FLYWCH1: variants seen among roughly 807,000 people sequenced by gnomAD.
The protein encoded by FLYWCH1 is FLYWCH-type zinc finger 1, also known as FLYWCH-type zinc finger-containing protein 1.
Under a neutral mutation model 66.4 loss-of-function variants are expected in FLYWCH1, and 75 were observed. The ratio of observed to expected loss-of-function variants is 1.13; its 90% CI spans 0.94 to 1.37. FLYWCH1 has a LOEUF of 1.37. Among genes scored for constraint, FLYWCH1 ranks in the 40% most tolerant of loss-of-function variants. The pLI, the probability that FLYWCH1 is intolerant of heterozygous loss-of-function variation, is 0.00. For missense variants in FLYWCH1, 1,334 were observed against 1,001.8 expected (o/e 1.33, Z -4.48); for synonymous variants, 595 against 429.9 (o/e 1.38, Z -4.75).
Position 2,933,507 on chromosome 16 carries a change from G to C in FLYWCH1, c.1174G>C (p.Ala392Pro). ...TLTRPRPRKR[A>P]KVEDQELPTQ... is the part of the protein sequence containing the mutation. ...CACCAGGCCTCGGCCCAGAAAGCGA[G>C]CAAAGGTCGAAGACCAGGAGCTGCC... Residue 392 changes from alanine to proline, a missense_variant, in exon 5 of 10, where the codon GCA becomes CCA. Ala to Pro is a conservative substitution (Grantham distance 27). Coordinates refer to ENST00000253928, the MANE Select transcript of FLYWCH1 (RefSeq NM_001308068.2). 6.2e-7 allele frequency: 1 copy of C among 1,611,998 alleles called. No homozygotes were observed. The highest frequency in any genetic ancestry group is 8.5e-7 in the Non-Finnish European group (1 of 1,179,304).
chr16:2,919,009 A>G (rs2070272960), intron 2 of FLYWCH1, among the ~76,000 whole-genome samples: 1 of 151,858 alleles, frequency 6.6e-6, no homozygotes, highest in East Asian at 1.9e-4. Flanking sequence ...GTGCAGTGGC[A>G]TGATCTCGGC....
At chr16:2,925,213 G>C (rs1209949084) in intron 2 of FLYWCH1, among the ~76,000 whole-genome samples, 1 of 152,224 alleles carries the variant, frequency 6.6e-6, no homozygotes, top group Non-Finnish European at 1.5e-5. Flanking sequence ...AATCACGGCA[G>C]TTCTCAGGGA....
In FLYWCH1 at chr16:2,930,493, A is replaced by G; in HGVS notation, c.409A>G (p.Lys137Glu). ...GGAGTCCTTCCTGTACAAGCAGGAG[A>G]AGGCAGTGGGGGACAAGGTGTACTG... is the stretch of plus-strand genomic sequence containing the variant. ...VLESFLYKQE[K>E]AVGDKVYWKC... Residue 137 changes from lysine (K) to glutamate (E), a missense_variant, in exon 4 of 10, where the codon AAG (lysine) becomes GAG (glutamate). Lys to Glu is a moderately conservative substitution (Grantham distance 56, BLOSUM62 1). Coordinates refer to ENST00000253928, the MANE Select transcript of FLYWCH1 (RefSeq NM_001308068.2). 6.5e-7 allele frequency: 1 copy of G among 1,530,910 alleles called. No individual in the cohort carries two copies. The highest frequency in any genetic ancestry group is 1.2e-5 in the South Asian group (1 of 80,258). The allele number at this position is 1,530,910 out of a possible 1,614,324, so 94.8% of individuals were successfully genotyped here.
intron 2 of FLYWCH1, chr16:2,915,413 A>G (rs2070136146): frequency 6.6e-6 from 1 of 152,150 alleles, no homozygotes. Flanking sequence ...TTTAGTAGAG[A>G]CAGGGTTTCA....
intron 9 of FLYWCH1, among the ~76,000 whole-genome samples, chr16:2,945,485 CAAAAAAA>C (rs60942194): frequency 1.1e-5 from 1 of 87,920 alleles, no homozygotes; most frequent in South Asian, 4.2e-4. Flanking sequence ...GACTCCATCT[CAAAAAAA>C]AAAAAAAAAA....
At position 2,938,358 on chromosome 16, in the gene FLYWCH1, T is replaced by G. The variant is rs1376634955; in HGVS notation, c.1952T>G (p.Met651Arg). ...GCCATAACCCAGGGCCACCGCATCA[T>G]GGTCATGCGCAGCCACTGCCATCAG... Reference protein sequence around the residue: ...SRAITQGHRIMVMRSHCHQPD... With the variant: ...SRAITQGHRIRVMRSHCHQPD... Residue 651 changes from methionine (M) to arginine (R), a missense_variant, in exon 8 of 10, where the codon ATG (methionine) becomes AGG (arginine). Coordinates refer to ENST00000253928, the MANE Select transcript of FLYWCH1 (RefSeq NM_001308068.2). The G allele has an allele frequency of 6.3e-7, 1 of 1,596,936 alleles. No homozygotes were observed. Among genetic ancestry groups the G allele is most frequent in the Admixed American group, 1.7e-5 (1 of 58,694 alleles).
At chr16:2,922,880 G>A in intron 2 of FLYWCH1, 22 of 524,308 alleles carry the variant, frequency 4.2e-5, no homozygotes, top group South Asian at 3.0e-4. Context: ...AGACTCAGTG[G>A]TCGGTGGAAA....
rs1310867311 is a variant in FLYWCH1, at chr16:2,938,427, TC to T, written c.2025del (p.Thr676ProfsTer127). 2.0e-6 allele frequency: 3 copies of T among 1,531,406 alleles called. No individual in the cohort carries two copies. Among genetic ancestry groups the T allele is most frequent in the Non-Finnish European group, 1.8e-6 (2 of 1,139,866 alleles). The allele number at this position is 1,531,406 out of a possible 1,614,324, so 94.9% of individuals were successfully genotyped here. ...GAGGCCTTGAGGCAACGGGAGCGGC[TC>T]CCCACCACGGCCCAGCAGGAGGACC... The part of the protein sequence containing the change: ...GLEALRQRER[L>X]PTTAQQEDPE... On this transcript the variant is annotated frameshift_variant, in exon 8 of 10. Coordinates refer to ENST00000253928, the MANE Select transcript of FLYWCH1 (RefSeq NM_001308068.2). LOFTEE classifies it high-confidence loss of function.
chr16:2,934,647 A>C (rs141697524), intron 6 of FLYWCH1: 1 of 456,802 alleles, frequency 2.2e-6, no homozygotes, highest in Non-Finnish European at 4.4e-6. Context: ...GCTCTTCCGG[A>C]TCCTGCAGCT....
intron 4 of FLYWCH1, among the ~76,000 whole-genome samples, chr16:2,932,709 TAAAC>T (rs1199817496): frequency 6.6e-6 from 1 of 152,072 alleles, no homozygotes; most frequent in Non-Finnish European, 1.5e-5. Flanking sequence ...GTAGATTTGT[TAAAC>T]AAAACCTAAA....
intron 2 of FLYWCH1, among the ~76,000 whole-genome samples, chr16:2,924,278 C>G (rs1252145515): frequency 6.6e-6 from 1 of 151,650 alleles, no homozygotes; most frequent in Non-Finnish European, 1.5e-5. Context: ...TTGCAGTGAG[C>G]CGAGATCCGA....
In FLYWCH1 at chr16:2,930,650, A is replaced by C. The variant is rs761512966; in HGVS notation, c.566A>C (p.Lys189Thr). 9 of 1,546,980 alleles carry C rather than the reference A, an allele frequency of 5.8e-6. No homozygotes were observed. Among genetic ancestry groups the C allele is most frequent in the Non-Finnish European group, 7.0e-6 (8 of 1,147,210 alleles). The change falls in exon 4 of 10, where the codon AAA becomes ACA. Residue 189 changes from lysine to threonine, a missense_variant. Lys to Thr is a moderately conservative substitution (Grantham distance 78). Coordinates refer to ENST00000253928, the MANE Select transcript of FLYWCH1 (RefSeq NM_001308068.2). ...QGLEARRQRE[K>T]LPSLALPEGL... is the part of the protein sequence containing the mutation. ...CTGGAGGCCCGGCGCCAGAGGGAGA[A>C]ACTGCCCAGCCTGGCCCTGCCAGAG...
intron 2 of FLYWCH1, among the ~76,000 whole-genome samples, chr16:2,925,628 C>G (rs1374807022): frequency 6.6e-6 from 1 of 151,704 alleles, no homozygotes; most frequent in Non-Finnish European, 1.5e-5. Context: ...CCTGGAGCCG[C>G]TCTGCTCGAG....
At chr16:2,934,858 C>T (rs193231692) in intron 6 of FLYWCH1, 1 of 291,804 alleles carries the variant, frequency 3.4e-6, no homozygotes, top group East Asian at 1.1e-4. Flanking sequence ...AATGTGCCTC[C>T]ACTACTATTA....
chr16:2,929,871 G>A lies in FLYWCH1; in HGVS notation c.186G>A (p.Val62=), dbSNP rs766601918. ...GGGTGGGATCCAAGCCCCAGGAAGTGCACTGCGTCCTGTCCCTGGAGATGG... is the reference window on the plus strand; with the variant it reads ...GGGTGGGATCCAAGCCCCAGGAAGTACACTGCGTCCTGTCCCTGGAGATGG... ...EDGVGSKPQE[V]HCVLSLEMAG... is the part of the protein sequence containing the mutation. The change falls in exon 3 of 10, where the codon GTG becomes GTA. Residue 62 remains valine (V), a synonymous_variant. Coordinates refer to ENST00000253928, the MANE Select transcript of FLYWCH1 (RefSeq NM_001308068.2). The A allele has an allele frequency of 3.1e-6, 5 of 1,613,936 alleles. No homozygotes were observed. The highest frequency in any genetic ancestry group is 3.3e-5 in the Admixed American group (2 of 60,030).
At chr16:2,918,812 A>G (rs2070266399) in intron 2 of FLYWCH1, among the ~76,000 whole-genome samples, 1 of 152,246 alleles carries the variant, frequency 6.6e-6, no homozygotes, top group Non-Finnish European at 1.5e-5. Context: ...CAGAATAGAA[A>G]GGAAATAGTA....
At chr16:2,917,922 C>T (rs2070229479) in intron 2 of FLYWCH1, among the ~76,000 whole-genome samples, 1 of 151,486 alleles carries the variant, frequency 6.6e-6, no homozygotes, top group South Asian at 2.1e-4. Context: ...GTGCAACCTC[C>T]ACTTCCTGGG....
Position 2,938,442 on chromosome 16 carries a change from A to T in FLYWCH1, c.2036A>T (p.Gln679Leu), listed in dbSNP as rs761184057. Residue 679 changes from glutamine (Q) to leucine (L), a missense_variant, in exon 8 of 10, where the codon CAG becomes CTG. By Grantham distance (113) the Gln-to-Leu change is moderately radical. Coordinates refer to ENST00000253928, the MANE Select transcript of FLYWCH1 (RefSeq NM_001308068.2). ...CGGGAGCGGCTCCCCACCACGGCCC[A>T]GCAGGAGGACCCAGGTACAGGCAGG... ...RQRERLPTTA[Q>L]QEDPEKIQVQ... The T allele has an allele frequency of 6.6e-7, 1 of 1,525,110 alleles. No individual in the cohort carries two copies. The highest frequency in any genetic ancestry group is 1.3e-5 in the South Asian group (1 of 76,842). The allele number at this position is 1,525,110 out of a possible 1,614,324, so 94.5% of individuals were successfully genotyped here.
chr16:2,920,304 G>T (rs199933963), intron 2 of FLYWCH1, among the ~76,000 whole-genome samples: 1 of 152,004 alleles, frequency 6.6e-6, no homozygotes, highest in African/African-American at 2.4e-5. Flanking sequence ...GAGGCCAGGA[G>T]TTCGAGACCA....
Sources: allele counts gnomAD v4.1 joint callset (sites outside exome capture counted in the v4.1 genomes callset), GRCh38; gene constraint gnomAD v4.1.1; transcripts MANE v1.5; gene names NCBI Gene and HGNC (gene_info 2026-07-23, HGNC 2026-07-21).